Variants in LARGE1 observed in about 807,000 individuals in gnomAD.
The protein encoded by LARGE1 is LARGE xylosyl- and glucuronyltransferase 1.
LARGE1 carries 43 observed loss-of-function variants against 87.6 expected under a neutral mutation model. That is an observed-to-expected ratio of 0.49 (90% confidence interval 0.38 to 0.63). The LOEUF (loss-of-function observed/expected upper bound fraction) is 0.63. Among genes scored for constraint, LARGE1 ranks in the 30% least tolerant of loss-of-function variants. The pLI is 0.00. For missense variants in LARGE1, 802 were observed against 1,000.2 expected (o/e 0.80, Z 2.67); for synonymous variants, 434 against 394.6 (o/e 1.10, Z -1.18).
chr22:33,336,213 T>C (rs1454474871), intron 10 of LARGE1, among the ~76,000 whole-genome samples: 1 of 152,196 alleles, frequency 6.6e-6, no homozygotes, highest in African/African-American at 2.4e-5. Context: ...GTTATTGTTG[T>C]TGTTTTTGAG....
intron 6 of LARGE1, among the ~76,000 whole-genome samples, chr22:33,438,136 G>C (rs1252738532): frequency 6.6e-6 from 1 of 152,150 alleles, no homozygotes; most frequent in Non-Finnish European, 1.5e-5. Flanking sequence ...CCATCATCCA[G>C]GTGGCATCTA....
At chr22:33,120,371 T>TTTCG in the LARGE1 span, among the ~76,000 whole-genome samples, 1 of 94,344 alleles carries the variant, frequency 1.1e-5, no homozygotes, top group Non-Finnish European at 2.1e-5. Flanking sequence ...TCTTTCTTTC[T>TTTCG]TTCTTTCTTT....
chr22:33,885,708 C>T (rs958483089), intron 1 of LARGE1, among the ~76,000 whole-genome samples: 3 of 152,122 alleles, frequency 2.0e-5, no homozygotes, highest in African/African-American at 2.4e-5. Context: ...GTTCACCTTC[C>T]GCTGGAGCCC....
At chr22:33,089,464 C>CTCTGCT in the LARGE1 span, among the ~76,000 whole-genome samples, 1 of 142,352 alleles carries the variant, frequency 7.0e-6, no homozygotes, top group Non-Finnish European at 1.5e-5. Flanking sequence ...CCTCCTCTTC[C>CTCTGCT]TCTTCTTCTT....
At chr22:33,203,967 T>C (rs1038466312) in intron 11 of LARGE1, among the ~76,000 whole-genome samples, 2 of 152,116 alleles carry the variant, frequency 1.3e-5, no homozygotes, top group Non-Finnish European at 2.9e-5. Flanking sequence ...GGCCCTGGAG[T>C]GTGACTGAAC....
chr22:33,642,710 C>CAAAAAAAAAAAAAA lies in LARGE1; in HGVS notation c.408+7643_408+7656dup, dbSNP rs60815644. On this transcript the variant is annotated intron_variant, in intron 3 of 14. Transcript: ENST00000397394. ...GAATATTTACCAAGCAAATGGAAAG[C>CAAAAAAAAAAAAAA]AAAAAAAAAAAAAAAAAAAAAAAAA... is the stretch of plus-strand genomic sequence containing the variant. Among the ~76,000 whole-genome samples the CAAAAAAAAAAAAAA allele has an allele frequency of 1.0e-3, 18 of 17,354 alleles. 1 individual carries two copies. The highest frequency in any genetic ancestry group is 2.6e-3 in the East Asian group (1 of 390). 11.4% of individuals were successfully genotyped at this position (17,354 alleles called of 152,430 possible).
At chr22:33,868,712 A>T (rs1245191189) in intron 1 of LARGE1, among the ~76,000 whole-genome samples, 2 of 152,126 alleles carry the variant, frequency 1.3e-5, no homozygotes, top group African/African-American at 4.8e-5. Flanking sequence ...CTTTCTAGTG[A>T]TTGCCCACGC....
chr22:33,258,019 TCAAG>T (rs1927408161), intron 11 of LARGE1, among the ~76,000 whole-genome samples: 1 of 151,464 alleles, frequency 6.6e-6, no homozygotes, highest in African/African-American at 2.4e-5. Flanking sequence ...GATGGGGGGA[TCAAG>T]AAATGTATAT....
At chr22:33,922,121 C>T (rs755372920), upstream of LARGE1, among the ~76,000 whole-genome samples, 2 of 152,118 alleles carry the variant, frequency 1.3e-5, no homozygotes, top group African/African-American at 4.8e-5. Context: ...CCTCTGCGCG[C>T]CTCTCCGCTC....
At chr22:33,866,934 T>C (rs927011376) in intron 1 of LARGE1, among the ~76,000 whole-genome samples, 15 of 152,074 alleles carry the variant, frequency 9.9e-5, no homozygotes, top group African/African-American at 1.9e-4. Context: ...ACTAAAGGGG[T>C]TGATTATTGC....
chr22:33,798,904 A>G (rs1182157969), intron 1 of LARGE1, among the ~76,000 whole-genome samples: 2 of 152,152 alleles, frequency 1.3e-5, no homozygotes, highest in Non-Finnish European at 2.9e-5. Flanking sequence ...AACCATAAAA[A>G]TTCTGAATTG....
chr22:33,202,312 A>T (rs1237200127), intron 11 of LARGE1, among the ~76,000 whole-genome samples: 1 of 152,172 alleles, frequency 6.6e-6, no homozygotes, highest in East Asian at 1.9e-4. Flanking sequence ...TCTGTGCCAC[A>T]TTCAGCAAGA....
the LARGE1 span, among the ~76,000 whole-genome samples, chr22:33,101,696 C>A: frequency 6.6e-6 from 1 of 152,138 alleles, no homozygotes; most frequent in East Asian, 1.9e-4. Flanking sequence ...TTCTCTTTTA[C>A]CTTGCTGCTT....
intron 1 of LARGE1, among the ~76,000 whole-genome samples, chr22:33,860,992 A>G (rs2063903356): frequency 6.6e-6 from 1 of 152,134 alleles, no homozygotes; most frequent in Non-Finnish European, 1.5e-5. Flanking sequence ...ACTCCTGGGC[A>G]CTGTCGCTAG....
chr22:33,120,379 T>TTTCC, the LARGE1 span, among the ~76,000 whole-genome samples: 1 of 94,274 alleles, frequency 1.1e-5, no homozygotes, highest in Admixed American at 9.3e-5. Context: ...TCTTTCTTTC[T>TTTCC]TTCTTTCTTT....
intron 11 of LARGE1, among the ~76,000 whole-genome samples, chr22:33,178,463 G>A (rs966104087): frequency 2.0e-5 from 3 of 152,190 alleles, no homozygotes; most frequent in Non-Finnish European, 4.4e-5. Flanking sequence ...AGGAGGCTGA[G>A]GCTTAGAATG....
intron 12 of LARGE1, among the ~76,000 whole-genome samples, chr22:33,300,434 G>A (rs904198740): frequency 6.6e-6 from 1 of 152,204 alleles, no homozygotes; most frequent in Admixed American, 6.5e-5. Context: ...GGAGTGCAGT[G>A]GCACAATCAT....
intron 9 of LARGE1, among the ~76,000 whole-genome samples, chr22:33,379,872 A>T (rs574420706): frequency 6.6e-6 from 1 of 152,136 alleles, no homozygotes; most frequent in African/African-American, 2.4e-5. Context: ...TCATATACAC[A>T]ATAAAAGCTG....
chr22:33,203,925 C>T (rs2146216347), intron 11 of LARGE1, among the ~76,000 whole-genome samples: 1 of 152,272 alleles, frequency 6.6e-6, no homozygotes, highest in South Asian at 2.1e-4. Flanking sequence ...TGGGTGTCAA[C>T]ATTTCCATAC....
Sources: allele counts gnomAD v4.1 joint callset (sites outside exome capture counted in the v4.1 genomes callset), GRCh38; gene constraint gnomAD v4.1.1; transcripts MANE v1.5; gene names NCBI Gene and HGNC (gene_info 2026-07-23, HGNC 2026-07-21).